The following MAGI2 variants were observed in gnomAD, a reference collection of about 807,000 sequenced individuals.
MAGI2 encodes the protein membrane-associated guanylate kinase, WW and PDZ domain-containing protein 2.
A neutral mutation model predicts 133.3 loss-of-function variants in MAGI2; 35 were observed. The observed-to-expected ratio is 0.26, with a 90% confidence interval of 0.20 to 0.35. The LOEUF (loss-of-function observed/expected upper bound fraction) is 0.35. Among genes scored for constraint, MAGI2 ranks in the 10% least tolerant of loss-of-function variants. The pLI, the probability that MAGI2 is intolerant of heterozygous loss-of-function variation, is 1.00. For synonymous variants in MAGI2, 729 were observed against 710.6 expected, an observed-to-expected ratio of 1.03 and a Z score of -0.41; for missense variants, 1,636 against 1,863.4, an observed-to-expected ratio of 0.88 and a Z score of 2.25.
chr7:78,524,536 A>G (rs1213572782), intron 3 of MAGI2, among the ~76,000 whole-genome samples: 1 of 152,180 alleles, frequency 6.6e-6, no homozygotes, highest in African/African-American at 2.4e-5. Context: ...ATTAAGTTGT[A>G]AAGTGGTTCT....
intron 2 of MAGI2, among the ~76,000 whole-genome samples, chr7:78,836,963 T>G (rs531063425): frequency 6.6e-6 from 1 of 152,328 alleles, no homozygotes; most frequent in Non-Finnish European, 1.5e-5. Context: ...TTCATGCAGG[T>G]AATAATAACT....
chr7:78,645,429 G>A (rs1810767769), intron 2 of MAGI2, among the ~76,000 whole-genome samples: 1 of 151,934 alleles, frequency 6.6e-6, no homozygotes, highest in South Asian at 2.1e-4. Context: ...AAATTGAATG[G>A]AACAATATGT....
At chr7:78,106,745 C>T (rs1341707464) in intron 20 of MAGI2, among the ~76,000 whole-genome samples, 1 of 152,046 alleles carries the variant, frequency 6.6e-6, no homozygotes, top group Non-Finnish European at 1.5e-5. Flanking sequence ...GCTCCATATA[C>T]ATTCTGGTTA....
chr7:78,962,515 T>C (rs1399144926), intron 2 of MAGI2, among the ~76,000 whole-genome samples: 3 of 151,902 alleles, frequency 2.0e-5, no homozygotes, highest in African/African-American at 7.2e-5. Context: ...TTATGTTTTT[T>C]TTTTTTTCTT....
intron 6 of MAGI2, among the ~76,000 whole-genome samples, chr7:78,448,617 GT>G (rs1788395283): frequency 6.6e-6 from 1 of 151,986 alleles, no homozygotes; most frequent in South Asian, 2.1e-4. Context: ...CAAACACAAG[GT>G]GCCATTTCAA....
rs1823814278 is a variant in MAGI2, at chr7:78,151,015, G to A, written c.2845+9010C>T. Among the ~76,000 whole-genome samples, 3 of 150,680 alleles carry A rather than the reference G, an allele frequency of 2.0e-5. No homozygotes were observed. In the South Asian group the frequency reaches 6.3e-4, roughly 32 times the overall value. ...TCTATTTTACTTCATAAATGCTTCA[G>A]TGTTCCGGTATCAGGGGACTTGGAG... is the stretch of plus-strand genomic sequence containing the variant. On this transcript the variant is annotated intron_variant, in intron 16 of 21. Transcript: ENST00000354212.
At chr7:79,135,142 A>G (rs572700896) in intron 1 of MAGI2, among the ~76,000 whole-genome samples, 1 of 152,310 alleles carries the variant, frequency 6.6e-6, no homozygotes, top group African/African-American at 2.4e-5. Flanking sequence ...TATGATTTAT[A>G]TGTAAAGTGG....
chr7:78,677,706 A>T (rs2151087720), intron 2 of MAGI2, among the ~76,000 whole-genome samples: 1 of 152,288 alleles, frequency 6.6e-6, no homozygotes, highest in Non-Finnish European at 1.5e-5. Context: ...TCTACTAGAA[A>T]ATTAGAACTC....
chr7:79,298,266 T>C (rs117292609), intron 1 of MAGI2, among the ~76,000 whole-genome samples: 532 of 152,312 alleles, frequency 3.5e-3, no homozygotes, highest in Non-Finnish European at 6.1e-3. Context: ...ATTGGGTCTT[T>C]GAGAGGTTTT....
intron 9 of MAGI2, among the ~76,000 whole-genome samples, chr7:78,312,950 A>G (rs1279816918): frequency 6.6e-6 from 1 of 151,098 alleles, no homozygotes; most frequent in African/African-American, 2.4e-5. Flanking sequence ...ATATATGTGT[A>G]TATAGATATA....
At position 79,416,725 on chromosome 7, in the gene MAGI2, C is replaced by CTTTTTTTTTTTTTTTTTTTTTTTTT. The variant is rs1176426138; in HGVS notation, c.301+36294_301+36295insAAAAAAAAAAAAAAAAAAAAAAAAA. 3.0e-4 allele frequency among the ~76,000 whole-genome samples: 31 copies of CTTTTTTTTTTTTTTTTTTTTTTTTT among 102,460 alleles called. 5 individuals are homozygous for CTTTTTTTTTTTTTTTTTTTTTTTTT. Among genetic ancestry groups the CTTTTTTTTTTTTTTTTTTTTTTTTT allele is most frequent in the South Asian group, 9.1e-4 (3 of 3,308 alleles). The allele number at this position is 102,460 out of a possible 152,430, so 67.2% of individuals were successfully genotyped here. On this transcript the variant is annotated intron_variant, in intron 1 of 21. Coordinates refer to ENST00000354212, the MANE Select transcript of MAGI2 (RefSeq NM_012301.4). ...TTCTTTTTTCTTTTCTTTTCTTTTTCTTTTTCTTTTTTTTTTTTTGAGGTG... is the reference window on the plus strand; with the variant it reads ...TTCTTTTTTCTTTTCTTTTCTTTTTCTTTTTTTTTTTTTTTTTTTTTTTTTTTTTTCTTTTTTTTTTTTTGAGGTG...
chr7:79,439,845 G>A (rs955381877), intron 1 of MAGI2, among the ~76,000 whole-genome samples: 1 of 151,890 alleles, frequency 6.6e-6, no homozygotes, highest in African/African-American at 2.4e-5. Flanking sequence ...TCTTCTTACA[G>A]AACAATTATC....
At chr7:78,300,260 C>A (rs980798430) in intron 9 of MAGI2, among the ~76,000 whole-genome samples, 1 of 152,260 alleles carries the variant, frequency 6.6e-6, no homozygotes, top group East Asian at 1.9e-4. Flanking sequence ...TACTATATCA[C>A]AAATTTGTGT....
intron 1 of MAGI2, among the ~76,000 whole-genome samples, chr7:79,196,127 T>C (rs1828057191): frequency 6.6e-6 from 1 of 151,924 alleles, no homozygotes. Flanking sequence ...AGGTAATGAA[T>C]ATGTTAATTA....
intron 1 of MAGI2, among the ~76,000 whole-genome samples, chr7:79,140,977 T>C (rs867137471): frequency 3.9e-5 from 6 of 152,330 alleles, no homozygotes; most frequent in Middle Eastern, 6.8e-3. Flanking sequence ...AATCAGTTTC[T>C]AAATACTTCT....
intron 2 of MAGI2, among the ~76,000 whole-genome samples, chr7:78,871,882 T>A (rs963388920): frequency 3.3e-5 from 5 of 152,074 alleles, no homozygotes; most frequent in Admixed American, 2.0e-4. Context: ...ATTGAGATTT[T>A]AAAAATGATG....
chr7:79,306,659 C>T (rs1837841090), intron 1 of MAGI2, among the ~76,000 whole-genome samples: 1 of 152,064 alleles, frequency 6.6e-6, no homozygotes, highest in Admixed American at 6.6e-5. Context: ...TTCAAACTTT[C>T]AACAGTCAGT....
At chr7:78,620,523 T>G (rs2150937652) in intron 3 of MAGI2, among the ~76,000 whole-genome samples, 1 of 152,108 alleles carries the variant, frequency 6.6e-6, no homozygotes. Flanking sequence ...CTCCTTCATG[T>G]AGTTATGAGA....
At chr7:78,545,169 T>C (rs192066137) in intron 3 of MAGI2, among the ~76,000 whole-genome samples, 5 of 151,540 alleles carry the variant, frequency 3.3e-5, no homozygotes. Flanking sequence ...CAGCACCTTA[T>C]ACTAAATTGA....
Sources: gnomAD v4.1 joint callset for allele counts (sites outside exome capture counted in the v4.1 genomes callset) on GRCh38, gnomAD v4.1.1 for gene constraint, MANE v1.5 for transcripts, NCBI Gene and HGNC (gene_info 2026-07-23, HGNC 2026-07-21) for gene names.